ARHGAP12: variants seen among roughly 807,000 people sequenced by gnomAD.
ARHGAP12 encodes the protein rho GTPase-activating protein 12.
In ARHGAP12, 64 loss-of-function variants were observed where a neutral mutation model predicts 108.6. That is an observed-to-expected ratio of 0.59 (90% CI 0.48 to 0.73). The LOEUF (loss-of-function observed/expected upper bound fraction) is 0.73, where lower values mean the gene tolerates loss of function less well. Ranked by LOEUF, ARHGAP12 falls within the 30% of genes least tolerant of loss-of-function variation. The probability of loss-of-function intolerance (pLI) is 0.00; values close to 1 mark genes in which losing one functional copy is unlikely to be tolerated. For missense variants in ARHGAP12, 940 were observed against 1,005.9 expected (o/e 0.93, Z 0.89); for synonymous variants, 312 against 337.2 (o/e 0.93, Z 0.82).
chr10:31,881,485 A>C (rs372035186), intron 3 of ARHGAP12, among the ~76,000 whole-genome samples: 2 of 152,320 alleles, frequency 1.3e-5, no homozygotes, highest in East Asian at 3.9e-4. Context: ...AGGGGTCTCG[A>C]ATAGAAGTCC....
In ARHGAP12 at chr10:31,908,260, C is replaced by G. The variant is rs146720470; in HGVS notation, c.596G>C (p.Cys199Ser). Residue 199 changes from cysteine to serine, a missense_variant, in exon 3 of 20, where the codon TGT (cysteine) becomes TCT (serine). Coordinates refer to ENST00000344936, the MANE Select transcript of ARHGAP12 (RefSeq NM_018287.7). ...EKTSFSQEQSCDSAGEGSERI... is the reference protein window; with the variant it reads ...EKTSFSQEQSSDSAGEGSERI... ...TTCAGAGCCTTCTCCTGCGGAATCA[C>G]AAGATTGTTCCTGGGAGAAGCTAGT... 2.1e-4 allele frequency: 331 copies of G among 1,614,056 alleles called. 1 individual carries two copies. Among genetic ancestry groups the G allele is most frequent in the Non-Finnish European group, 1.1e-4 (130 of 1,180,028 alleles).
intron 7 of ARHGAP12, among the ~76,000 whole-genome samples, chr10:31,841,648 G>A (rs1488457393): frequency 6.6e-6 from 1 of 152,124 alleles, no homozygotes; most frequent in Admixed American, 6.5e-5. Context: ...GCACATTTAA[G>A]GTAGGCTAGG....
At chr10:31,926,865 A>G (rs1346318911) in intron 1 of ARHGAP12, among the ~76,000 whole-genome samples, 1 of 152,252 alleles carries the variant, frequency 6.6e-6, no homozygotes, top group Non-Finnish European at 1.5e-5. Flanking sequence ...TAGCAAATAT[A>G]AAACCGAAAG....
intron 2 of ARHGAP12, among the ~76,000 whole-genome samples, chr10:31,909,353 T>A (rs1027851355): frequency 6.6e-6 from 1 of 151,982 alleles, no homozygotes; most frequent in African/African-American, 2.4e-5. Context: ...CGGGTTTAAA[T>A]GATCACCTCC....
At chr10:31,893,395 A>G (rs1451504037) in intron 3 of ARHGAP12, among the ~76,000 whole-genome samples, 1 of 152,194 alleles carries the variant, frequency 6.6e-6, no homozygotes, top group Non-Finnish European at 1.5e-5. Flanking sequence ...TAGACGCAAT[A>G]AAAAATGATA....
rs1267078891 is a variant in ARHGAP12 at position 31,868,238 on chromosome 10, G to GA, written c.685-6581dup. On this transcript the variant is annotated intron_variant, in intron 3 of 19. Transcript: ENST00000344936. ...CATGATCTGCCATCAGCAGGTCCAG[G>GA]AAAAAAAAAAGTATAAGGGCAACTA... is the stretch of plus-strand genomic sequence containing the variant. Among the ~76,000 whole-genome samples, 624 of 145,932 alleles carry GA rather than the reference G, an allele frequency of 4.3e-3. 1 individual carries two copies. Among genetic ancestry groups the GA allele is most frequent in the Non-Finnish European group, 6.2e-3 (411 of 66,102 alleles).
intron 3 of ARHGAP12, among the ~76,000 whole-genome samples, chr10:31,907,283 T>C (rs539001948): frequency 6.6e-6 from 1 of 151,842 alleles, no homozygotes; most frequent in Non-Finnish European, 1.5e-5. Context: ...TGTCTTCACT[T>C]CACTTGAGAA....
At chr10:31,916,008 GTTC>G (rs1391531047) in intron 1 of ARHGAP12, among the ~76,000 whole-genome samples, 2 of 152,136 alleles carry the variant, frequency 1.3e-5, no homozygotes, top group East Asian at 3.8e-4. Flanking sequence ...TGTAGATTCT[GTTC>G]TTAAGAGAAA....
chr10:31,817,792 T>C lies in ARHGAP12; in HGVS notation c.1727A>G (p.Asn576Ser). 6.3e-7 allele frequency: 1 copy of C among 1,590,762 alleles called. No homozygotes were observed. The highest frequency in any genetic ancestry group is 8.5e-7 in the Non-Finnish European group (1 of 1,169,928). Residue 576 changes from asparagine to serine, a missense_variant, in exon 13 of 20, where the codon AAT becomes AGT. Asn to Ser is a conservative substitution (Grantham distance 46). Coordinates refer to ENST00000344936, the MANE Select transcript of ARHGAP12 (RefSeq NM_018287.7). ...WFKVLSSTIN[N>S]QAVETDEGIE... The stretch of plus-strand genomic sequence containing the variant: ...TTACCTAAGTCAACGACATACCTGA[T>C]TATTGATTGTACTACTAAGAACTTT...
At position 31,861,393 on chromosome 10, in the gene ARHGAP12, A is replaced by G; in HGVS notation, c.948+2T>C. The G allele has an allele frequency of 6.2e-7, 1 of 1,604,256 alleles. No individual in the cohort carries two copies. The highest frequency in any genetic ancestry group is 8.5e-7 in the Non-Finnish European group (1 of 1,177,010). The stretch of plus-strand genomic sequence containing the variant: ...TGCAGTTGATTCCTTAATTACTCAT[A>G]CCTCTTGATCCCCTGGATTTTGGAA... On this transcript the variant is annotated splice_donor_variant, in intron 4 of 19. Transcript: ENST00000344936. LOFTEE classifies it high-confidence loss of function.
chr10:31,924,650 G>A (rs1839955845), intron 1 of ARHGAP12, among the ~76,000 whole-genome samples: 1 of 152,006 alleles, frequency 6.6e-6, no homozygotes, highest in Admixed American at 6.6e-5. Context: ...TATATATTAT[G>A]TAGCAAAATA....
intron 1 of ARHGAP12, among the ~76,000 whole-genome samples, chr10:31,926,107 G>A (rs1840027357): frequency 6.6e-6 from 1 of 152,190 alleles, no homozygotes; most frequent in Admixed American, 6.5e-5. Flanking sequence ...GATATTAGAA[G>A]TGCAGGTGAT....
chr10:31,815,658 G>A (rs1418556131), intron 13 of ARHGAP12, among the ~76,000 whole-genome samples: 1 of 152,064 alleles, frequency 6.6e-6, no homozygotes, highest in African/African-American at 2.4e-5. Context: ...GTAAGTCATT[G>A]GAAGAAAATT....
intron 3 of ARHGAP12, among the ~76,000 whole-genome samples, chr10:31,886,274 AT>A (rs942094536): frequency 1.1e-3 from 163 of 152,244 alleles, no homozygotes; most frequent in African/African-American, 3.4e-3. Context: ...TAATGTACAC[AT>A]TTTTTTAATG....
chr10:31,822,301 G>C (rs1835445023), intron 11 of ARHGAP12, among the ~76,000 whole-genome samples: 2 of 152,184 alleles, frequency 1.3e-5, no homozygotes, highest in African/African-American at 4.8e-5. Flanking sequence ...ACGACGGACA[G>C]AGTGTTTCCA....
intron 4 of ARHGAP12, among the ~76,000 whole-genome samples, chr10:31,859,058 G>T (rs927442781): frequency 1.3e-5 from 2 of 152,196 alleles, no homozygotes; most frequent in African/African-American, 4.8e-5. Flanking sequence ...ATACCTGGCT[G>T]CTAGGTGTGC....
intron 3 of ARHGAP12, among the ~76,000 whole-genome samples, chr10:31,877,824 G>A (rs1196969220): frequency 6.6e-6 from 1 of 152,192 alleles, no homozygotes; most frequent in African/African-American, 2.4e-5. Context: ...GGGTGAGGTG[G>A]CGCCTGCCTA....
intron 3 of ARHGAP12, among the ~76,000 whole-genome samples, chr10:31,864,263 A>C (rs1286530342): frequency 6.6e-6 from 1 of 152,212 alleles, no homozygotes; most frequent in East Asian, 1.9e-4. Context: ...AGTTTCCCAT[A>C]CATAAGCAAT....
At chr10:31,840,113 G>A (rs563685742) in intron 7 of ARHGAP12, among the ~76,000 whole-genome samples, 25 of 151,984 alleles carry the variant, frequency 1.6e-4, no homozygotes, top group Admixed American at 5.2e-4. Flanking sequence ...CCAGGATTAG[G>A]CAAGGTCACA....
Sources: gnomAD v4.1 joint callset for allele counts (sites outside exome capture counted in the v4.1 genomes callset) on GRCh38, gnomAD v4.1.1 for gene constraint, MANE v1.5 for transcripts, NCBI Gene and HGNC (gene_info 2026-07-23, HGNC 2026-07-21) for gene names.